EMX2: variants seen among roughly 807,000 people sequenced by gnomAD.
EMX2 encodes the protein homeobox protein EMX2.
EMX2 carries 6 observed loss-of-function variants against 23.0 expected under a neutral mutation model. That is an observed-to-expected ratio of 0.26 (90% confidence interval 0.14 to 0.52). The LOEUF (loss-of-function observed/expected upper bound fraction) is 0.52. Among genes scored for constraint, EMX2 ranks in the 20% least tolerant of loss-of-function variants. EMX2 has a pLI of 0.97. For synonymous variants in EMX2, 175 were observed against 153.3 expected (o/e 1.14, Z -1.04); for missense variants, 302 against 341.4 (o/e 0.88, Z 0.91).
chr10:117,543,153 C>CCCA lies in EMX2; in HGVS notation c.-115_-114insCCA. ...CTTCCCCCCACCCCCACCCCCACCC[C>CCCA]AAACAAACGAGTCCCCAATTCTCGT... On this transcript the variant is annotated 5_prime_UTR_variant, in exon 1 of 3. Coordinates refer to ENST00000553456, the MANE Select transcript of EMX2 (RefSeq NM_004098.4). 1 of 366,026 alleles carries CCCA rather than the reference C, an allele frequency of 2.7e-6. No homozygotes were observed. Among genetic ancestry groups the CCCA allele is most frequent in the Non-Finnish European group, 3.8e-6 (1 of 263,848 alleles). 22.7% of individuals were successfully genotyped at this position (366,026 alleles called of 1,614,324 possible). A position where few individuals can be genotyped will look rare whatever the true frequency, so the allele number is the denominator to read the frequency against.
intron 1 of EMX2, 36 bp from the exon 2 acceptor site, chr10:117,545,595 GC>G (rs755065761): frequency 2.1e-5 from 34 of 1,612,416 alleles, no homozygotes; most frequent in African/African-American, 2.0e-4. Flanking sequence ...GGTCAGAGCA[GC>G]CCCCCCTAAT....
Position 117,548,765 on chromosome 10 carries a change from A to G in EMX2, c.*533A>G, listed in dbSNP as rs2133971759. The G allele has an allele frequency of 2.5e-6, 1 of 405,600 alleles. No homozygotes were observed. The highest frequency in any genetic ancestry group is 3.5e-5 in the East Asian group (1 of 28,278). The allele number at this position is 405,600 out of a possible 1,614,324, so 25.1% of individuals were successfully genotyped here. ...CTGTGTTTCCCCCCCATCTTTAAAA[A>G]TAATTAGTAATAAAAAACAAAAATT... On this transcript the variant is annotated 3_prime_UTR_variant, in exon 3 of 3. Transcript: ENST00000553456.
chr10:117,548,313 A>G lies in EMX2; in HGVS notation c.*81A>G, dbSNP rs1846609483. ...AGGTGGAGAAGGAAAAAACCCTACA[A>G]AACAAAAACAAACCGCATACACGTT... On this transcript the variant is annotated 3_prime_UTR_variant, in exon 3 of 3. Transcript: ENST00000553456. 1 of 1,538,528 alleles carries G rather than the reference A, an allele frequency of 6.5e-7. No individual in the cohort carries two copies. The highest frequency in any genetic ancestry group is 8.8e-7 in the Non-Finnish European group (1 of 1,138,632).
intron 1 of EMX2, 114 bp downstream of exon 1, chr10:117,543,787 C>A: frequency 6.6e-7 from 1 of 1,516,348 alleles, no homozygotes; most frequent in South Asian, 1.1e-5. Flanking sequence ...CTCCGGCTCG[C>A]GGGCCAGCGC....
At chr10:117,547,111 A>G (rs1846589279) in intron 2 of EMX2, among the ~76,000 whole-genome samples, 1 of 152,276 alleles carries the variant, frequency 6.6e-6, no homozygotes, top group East Asian at 1.9e-4. Context: ...ATGAGGACCC[A>G]CGACTCAGCT....
Position 117,543,665 on chromosome 10 carries a change from G to T in EMX2, c.398G>T (p.Arg133Leu), listed in dbSNP as rs1316096191. 2 of 1,613,460 alleles carry T rather than the reference G, an allele frequency of 1.2e-6. No individual in the cohort carries two copies. The highest frequency in any genetic ancestry group is 1.7e-6 in the Non-Finnish European group (2 of 1,179,714). ...LIHRYRYLGH[R>L]FQGNDTSPES... is the part of the protein sequence containing the mutation. ...CACCGCTACCGATATCTGGGTCATC[G>T]CTTCCAAGGTACGTGCCACGTCGCG... The change falls in exon 1 of 3, where the codon CGC becomes CTC. Residue 133 changes from arginine (R) to leucine (L), a missense_variant. By Grantham distance (102) the Arg-to-Leu change is moderately radical. This residue lies in a region of EMX2 where 221 missense variants were observed against 206.8 expected (regional missense o/e 1.07). Transcript: ENST00000553456.
rs139391042 is a variant in EMX2 at position 117,548,341 on chromosome 10, C to G, written c.*109C>G. ...CAAAAACAAACCGCATACACGTTCA[C>G]CGAGAAAGGGAGAGGGAATCGGAGG... On this transcript the variant is annotated 3_prime_UTR_variant, in exon 3 of 3. Coordinates refer to ENST00000553456, the MANE Select transcript of EMX2 (RefSeq NM_004098.4). 9.6e-6 allele frequency: 14 copies of G among 1,456,442 alleles called. No homozygotes were observed. In the East Asian group the frequency reaches 3.0e-4, roughly 31 times the overall value. The allele number at this position is 1,456,442 out of a possible 1,614,324, so 90.2% of individuals were successfully genotyped here. A position where few individuals can be genotyped will look rare whatever the true frequency, so the allele number is the denominator to read the frequency against.
chr10:117,544,844 A>G (rs1441472450), intron 1 of EMX2: 2 of 152,284 alleles, frequency 1.3e-5, no homozygotes, highest in East Asian at 3.9e-4. Flanking sequence ...TTGCTTGAAA[A>G]GTTTAGGGCT....
At position 117,548,396 on chromosome 10, in the gene EMX2, C is replaced by A; in HGVS notation, c.*164C>A. On this transcript the variant is annotated 3_prime_UTR_variant, in exon 3 of 3. Transcript: ENST00000553456. ...AGCGGAATGCGGCGAAGACTCTGGACAGCGAGGGCACAGGGTCCCAAACCG... is the reference window on the plus strand; with the variant it reads ...AGCGGAATGCGGCGAAGACTCTGGAAAGCGAGGGCACAGGGTCCCAAACCG... 1 of 1,148,932 alleles carries A rather than the reference C, an allele frequency of 8.7e-7. No homozygotes were observed. The highest frequency in any genetic ancestry group is 1.2e-6 in the Non-Finnish European group (1 of 828,134). The allele number at this position is 1,148,932 out of a possible 1,614,324, so 71.2% of individuals were successfully genotyped here.
In EMX2 at chr10:117,545,637, G is replaced by T; in HGVS notation, c.412G>T (p.Asp138Tyr). ...TTCTGCTGTGCTCCCCGCAGGGAAC[G>T]ACACTAGCCCCGAGAGTTTCCTTTT... ...RYLGHRFQGN[D>Y]TSPESFLLHN... The change falls in exon 2 of 3, where the codon GAC becomes TAC. Residue 138 changes from aspartate (D) to tyrosine (Y), a missense_variant. By Grantham distance (160) the Asp-to-Tyr change is radical. Around this residue, in one of 4 missense-constraint regions of EMX2, gnomAD observed 221 missense variants for 206.8 expected, o/e 1.07. Coordinates refer to ENST00000553456, the MANE Select transcript of EMX2 (RefSeq NM_004098.4). 1 of 1,614,034 alleles carries T rather than the reference G, an allele frequency of 6.2e-7. No homozygotes were observed. The highest frequency in any genetic ancestry group is 1.1e-5 in the South Asian group (1 of 91,066).
At chr10:117,547,555 G>T (rs962697761) in intron 2 of EMX2, among the ~76,000 whole-genome samples, 3 of 152,156 alleles carry the variant, frequency 2.0e-5, no homozygotes, top group African/African-American at 7.2e-5. Context: ...GCCACGAAGA[G>T]GAGACGCTAT....
intron 2 of EMX2, 48 bp from the exon 3 acceptor site, chr10:117,548,017 A>C (rs1846603237): frequency 3.2e-6 from 5 of 1,574,034 alleles, no homozygotes; most frequent in Non-Finnish European, 3.4e-6. Flanking sequence ...ACTTGATAGA[A>C]GGGTGCTCTG....
Position 117,543,153 on chromosome 10 carries a change from C to CAAAAAA in EMX2, c.-112_-111insAAAAAA. ...CTTCCCCCCACCCCCACCCCCACCC[C>CAAAAAA]AAACAAACGAGTCCCCAATTCTCGT... On this transcript the variant is annotated 5_prime_UTR_variant, in exon 1 of 3. Transcript: ENST00000553456. 2.7e-6 allele frequency: 1 copy of CAAAAAA among 366,022 alleles called. No homozygotes were observed. The highest frequency in any genetic ancestry group is 8.6e-5 in the Admixed American group (1 of 11,648). 22.7% of individuals were successfully genotyped at this position (366,022 alleles called of 1,614,324 possible). A position where few individuals can be genotyped will look rare whatever the true frequency, so the allele number is the denominator to read the frequency against.
Position 117,543,022 on chromosome 10 carries a change from G to T in EMX2, c.-246G>T. The T allele has an allele frequency of 2.1e-6, 1 of 482,018 alleles. No individual in the cohort carries two copies. Among genetic ancestry groups the T allele is most frequent in the South Asian group, 3.9e-5 (1 of 25,594 alleles). 29.9% of individuals were successfully genotyped at this position (482,018 alleles called of 1,614,324 possible). On this transcript the variant is annotated 5_prime_UTR_variant, in exon 1 of 3. It adds an upstream start codon to the 5' untranslated region. Transcript: ENST00000553456. The stretch of plus-strand genomic sequence containing the variant: ...GGAAGGATTTTCCCCCCTCTCTTCA[G>T]GTTGGGCGCGTTTGGTGCAAGATTC...
chr10:117,544,969 C>A (rs575712997), intron 1 of EMX2: 1 of 152,040 alleles, frequency 6.6e-6, no homozygotes, highest in Non-Finnish European at 1.5e-5. Flanking sequence ...GGTAACCCCC[C>A]GGGTTTCGAT....
In EMX2 at chr10:117,543,075, C is replaced by A; in HGVS notation, c.-193C>A. 2.0e-6 allele frequency: 1 copy of A among 493,720 alleles called. No individual in the cohort carries two copies. Among genetic ancestry groups the A allele is most frequent in the South Asian group, 2.5e-5 (1 of 39,882 alleles). The allele number at this position is 493,720 out of a possible 1,614,324, so 30.6% of individuals were successfully genotyped here. The stretch of plus-strand genomic sequence containing the variant: ...GGGATCCTCGGCTTTGCCTCTCCCT[C>A]TCCCTCCCCCCTCCTTTCCTTTTTC... On this transcript the variant is annotated 5_prime_UTR_variant, in exon 1 of 3. Transcript: ENST00000553456.
intron 1 of EMX2, chr10:117,545,309 C>T (rs1304527771): frequency 1.0e-5 from 3 of 300,110 alleles, no homozygotes; most frequent in African/African-American, 6.7e-5. Flanking sequence ...CCTCCCCTGC[C>T]TCCAGCGCCC....
rs1846611086 is a variant in EMX2, at chr10:117,548,426, C to T, written c.*194C>T. ...AGGGCACAGGGTCCCAAACCGAGGC[C>T]GCGCCAAGATGGCAGAGGATGGAGG... On this transcript the variant is annotated 3_prime_UTR_variant, in exon 3 of 3. Coordinates refer to ENST00000553456, the MANE Select transcript of EMX2 (RefSeq NM_004098.4). 4 of 846,766 alleles carry T rather than the reference C, an allele frequency of 4.7e-6. No homozygotes were observed. The highest frequency in any genetic ancestry group is 1.8e-5 in the South Asian group (1 of 55,188). The allele number at this position is 846,766 out of a possible 1,614,324, so 52.5% of individuals were successfully genotyped here.
In EMX2 at chr10:117,543,316, G is replaced by A; in HGVS notation, c.49G>A (p.Ala17Thr). The change falls in exon 1 of 3, where the codon GCC becomes ACC. Residue 17 changes from alanine (A) to threonine (T), a missense_variant. By Grantham distance (58) the Ala-to-Thr change is moderately conservative (BLOSUM62 0). Coordinates refer to ENST00000553456, the MANE Select transcript of EMX2 (RefSeq NM_004098.4). ...KRCFTIESLV[A>T]KDSPLPASRS... The stretch of plus-strand genomic sequence containing the variant: ...CTGCTTCACCATCGAGTCGCTGGTG[G>A]CCAAGGACAGTCCCCTGCCCGCCTC... 1 of 1,551,882 alleles carries A rather than the reference G, an allele frequency of 6.4e-7. No homozygotes were observed. The highest frequency in any genetic ancestry group is 8.7e-7 in the Non-Finnish European group (1 of 1,147,878).
Sources: allele counts gnomAD v4.1 joint callset (sites outside exome capture counted in the v4.1 genomes callset), GRCh38; gene constraint gnomAD v4.1.1; regional missense constraint gnomAD v4.1.1; transcripts MANE v1.5; gene names NCBI Gene and HGNC (gene_info 2026-07-23, HGNC 2026-07-21).